The following DNM2 variants were observed in gnomAD, a reference collection of about 807,000 sequenced individuals.
The protein encoded by DNM2 is dynamin 2.
In DNM2, 15 loss-of-function variants were observed where a neutral mutation model predicts 99.0. That is an observed-to-expected ratio of 0.15 (90% confidence interval 0.10 to 0.23). DNM2 has a LOEUF of 0.23. Ranked by LOEUF, DNM2 falls within the 10% of genes least tolerant of loss-of-function variation. The pLI, the probability that DNM2 is intolerant of heterozygous loss-of-function variation, is 1.00. For synonymous variants in DNM2, 525 were observed against 481.2 expected (o/e 1.09, Z -1.19); for missense variants, 742 against 1,189.4 (o/e 0.62, Z 5.53).
chr19:10,827,632 G>C (rs950321028), intron 18 of DNM2, among the ~76,000 whole-genome samples: 1 of 152,020 alleles, frequency 6.6e-6, no homozygotes, highest in Non-Finnish European at 1.5e-5. Context: ...AGCACTTTGG[G>C]AGGCTGAGGC....
In DNM2 at chr19:10,765,666, G is replaced by T. The variant is rs2070775043; in HGVS notation, c.235+5855G>T. 6.6e-6 allele frequency among the ~76,000 whole-genome samples: 1 copy of T among 152,228 alleles called. No homozygotes were observed. Among genetic ancestry groups the T allele is most frequent in the South Asian group, 2.1e-4 (1 of 4,832 alleles). On this transcript the variant is annotated intron_variant, in intron 2 of 20. Coordinates refer to ENST00000389253, the MANE Select transcript of DNM2 (RefSeq NM_001005361.3). This position sits in a 1 kb window ranked among gnomAD's most constrained non-coding sequence, Gnocchi z 4.4. The stretch of plus-strand genomic sequence containing the variant: ...GCTAAATGGGCATGGGAAGTGTTGT[G>T]TGCTGTGCCCACTTCTTGGTCTGCT...
At chr19:10,776,671 A>G (rs1037866262) in intron 4 of DNM2, among the ~76,000 whole-genome samples, 28 of 152,322 alleles carry the variant, frequency 1.8e-4, no homozygotes, top group Non-Finnish European at 3.7e-4. Flanking sequence ...ATTGGATGGG[A>G]TGGTTTCCAG....
chr19:10,777,961 T>G (rs556788585), intron 5 of DNM2, among the ~76,000 whole-genome samples: 47 of 152,184 alleles, frequency 3.1e-4, no homozygotes, highest in African/African-American at 1.1e-3. Context: ...CGTGGATGGC[T>G]TCCCCAGCTT....
Position 10,793,717 on chromosome 19 carries a change from T to C in DNM2, c.993-3T>C. ...GATGCTTGCTTTTTCCTTTTCCTCA[T>C]AGGATGGTCCAGCAGTTTGGGGTGG... On this transcript the variant is annotated splice_polypyrimidine_tract_variant and splice_region_variant and intron_variant, in intron 7 of 20. Transcript: ENST00000389253. 1.2e-6 allele frequency: 2 copies of C among 1,614,146 alleles called. No individual in the cohort carries two copies. The highest frequency in any genetic ancestry group is 1.7e-6 in the Non-Finnish European group (2 of 1,180,022).
chr19:10,829,999 G>A (rs1037990538), intron 19 of DNM2, 128 bp from the exon 20 acceptor site: 1 of 1,390,878 alleles, frequency 7.2e-7, no homozygotes, highest in African/African-American at 1.4e-5. Flanking sequence ...GGTTGGGGTG[G>A]GAGGATCCCA....
rs1383126194 is a variant in DNM2 at position 10,776,005 on chromosome 19, C to T, written c.589+99C>T. ...CAAGTCACTGGCGTTCTCTTTAATC[C>T]ATGGCCGCTGTAGGAAAAGGCCTCC... On this transcript the variant is annotated intron_variant, in intron 4 of 20. Coordinates refer to ENST00000389253, the MANE Select transcript of DNM2 (RefSeq NM_001005361.3). 2.8e-5 allele frequency: 41 copies of T among 1,460,970 alleles called. No individual in the cohort carries two copies. The South Asian group carries it at 3.3e-4, about 12-fold the overall frequency. 90.5% of individuals were successfully genotyped at this position (1,460,970 alleles called of 1,614,324 possible). A position where few individuals can be genotyped will look rare whatever the true frequency, so the allele number is the denominator to read the frequency against.
chr19:10,830,494 C>T lies in DNM2; in HGVS notation c.2543+116C>T, dbSNP rs931611346. The stretch of plus-strand genomic sequence containing the variant: ...TGCCCAGCTGCTGGAGTGGAGGAAT[C>T]GTCCTCATCCCTATTTGGCTTGCGA... On this transcript the variant is annotated intron_variant, in intron 20 of 20. Coordinates refer to ENST00000389253, the MANE Select transcript of DNM2 (RefSeq NM_001005361.3). The surrounding 1 kb of genome is among the most constrained non-coding windows in gnomAD (Gnocchi z 4.8). 2.1e-5 allele frequency: 26 copies of T among 1,218,288 alleles called. No homozygotes were observed. The highest frequency in any genetic ancestry group is 2.6e-5 in the Non-Finnish European group (23 of 871,594). 75.5% of individuals were successfully genotyped at this position (1,218,288 alleles called of 1,614,324 possible). A position where few individuals can be genotyped will look rare whatever the true frequency, so the allele number is the denominator to read the frequency against.
rs922944444 is a variant in DNM2, at chr19:10,830,489, G to A, written c.2543+111G>A. On this transcript the variant is annotated intron_variant, in intron 20 of 20. Coordinates refer to ENST00000389253, the MANE Select transcript of DNM2 (RefSeq NM_001005361.3). The surrounding 1 kb of genome is among the most constrained non-coding windows in gnomAD (Gnocchi z 4.8). Reference sequence around the variant, plus strand: ...CTACGTGCCCAGCTGCTGGAGTGGAGGAATCGTCCTCATCCCTATTTGGCT... The same window carrying A: ...CTACGTGCCCAGCTGCTGGAGTGGAAGAATCGTCCTCATCCCTATTTGGCT... 1.7e-5 allele frequency: 21 copies of A among 1,270,562 alleles called. No individual in the cohort carries two copies. The Admixed American group carries it at 3.9e-4, about 24-fold the overall frequency. 78.7% of individuals were successfully genotyped at this position (1,270,562 alleles called of 1,614,324 possible).
Position 10,830,297 on chromosome 19 carries a change from A to T in DNM2, c.2462A>T (p.Asn821Ile). The T allele has an allele frequency of 6.2e-7, 1 of 1,613,684 alleles. No homozygotes were observed. Among genetic ancestry groups the T allele is most frequent in the Non-Finnish European group, 8.5e-7 (1 of 1,179,862 alleles). The change falls in exon 20 of 21, where the codon AAC becomes ATC. Residue 821 changes from asparagine to isoleucine, a missense_variant. By Grantham distance (149) the Asn-to-Ile change is moderately radical. Coordinates refer to ENST00000389253, the MANE Select transcript of DNM2 (RefSeq NM_001005361.3). The surrounding 1 kb of genome is among the most constrained non-coding windows in gnomAD (Gnocchi z 4.8). ...CCTGGACCCCAGAGCGTGTTTGCCA[A>T]CAGTGACCTCTTCCCAGCCCCGCCT... ...SRPGPQSVFA[N>I]SDLFPAPPQI...
chr19:10,756,552 C>T (rs1329365805), intron 1 of DNM2, among the ~76,000 whole-genome samples: 1 of 152,182 alleles, frequency 6.6e-6, no homozygotes, highest in Non-Finnish European at 1.5e-5. Context: ...CGTGGCGTGA[C>T]AGGCCTAGTG....
At chr19:10,746,467 A>C (rs987370286) in intron 1 of DNM2, among the ~76,000 whole-genome samples, 7 of 152,010 alleles carry the variant, frequency 4.6e-5, no homozygotes, top group African/African-American at 1.7e-4. Flanking sequence ...CTTATTGCCC[A>C]GGCAGGAGTG....
chr19:10,789,547 A>G (rs961643391), intron 7 of DNM2, among the ~76,000 whole-genome samples: 1 of 151,984 alleles, frequency 6.6e-6, no homozygotes, highest in Non-Finnish European at 1.5e-5. Flanking sequence ...AAAAAAAAAA[A>G]TTAGGCTGGG....
Position 10,765,022 on chromosome 19 carries a change from A to T in DNM2, c.235+5211A>T, listed in dbSNP as rs1599506212. ...GCCCAGGCTGGAGTGCAGTGGCGCC[A>T]TCTCAGCTCACTGCAAGCTCCGCCT... On this transcript the variant is annotated intron_variant, in intron 2 of 20. Transcript: ENST00000389253. This position sits in a 1 kb window ranked among gnomAD's most constrained non-coding sequence, Gnocchi z 4.4. Among the ~76,000 whole-genome samples the T allele has an allele frequency of 1.4e-5, 2 of 143,102 alleles. No individual in the cohort carries two copies. The highest frequency in any genetic ancestry group is 3.0e-5 in the Non-Finnish European group (2 of 66,722). 93.9% of individuals were successfully genotyped at this position (143,102 alleles called of 152,430 possible).
intron 1 of DNM2, among the ~76,000 whole-genome samples, chr19:10,741,481 G>A (rs2069744821): frequency 6.6e-6 from 1 of 151,826 alleles, no homozygotes. Flanking sequence ...CTCTCATCTT[G>A]GCCTCCCAAA....
chr19:10,756,627 TC>T (rs2070394945), intron 1 of DNM2, among the ~76,000 whole-genome samples: 1 of 152,064 alleles, frequency 6.6e-6, no homozygotes, highest in African/African-American at 2.4e-5. Context: ...ACAGGTAGCA[TC>T]CCAGGCCTGG....
chr19:10,830,586 C>G lies in DNM2; in HGVS notation c.2543+208C>G. 1 of 665,958 alleles carries G rather than the reference C, an allele frequency of 1.5e-6. No homozygotes were observed. Among genetic ancestry groups the G allele is most frequent in the Non-Finnish European group, 2.5e-6 (1 of 398,968 alleles). The allele number at this position is 665,958 out of a possible 1,614,324, so 41.3% of individuals were successfully genotyped here. Reference sequence around the variant, plus strand: ...CAGAGTAGCGGAGCCCTGGTGACTCCGGGGCTCCCAGCTTGCCCTCTGCCT... The same window carrying G: ...CAGAGTAGCGGAGCCCTGGTGACTCGGGGGCTCCCAGCTTGCCCTCTGCCT... On this transcript the variant is annotated intron_variant, in intron 20 of 20. Coordinates refer to ENST00000389253, the MANE Select transcript of DNM2 (RefSeq NM_001005361.3). The surrounding 1 kb of genome is among the most constrained non-coding windows in gnomAD (Gnocchi z 4.8).
At position 10,820,696 on chromosome 19, in the gene DNM2, G is replaced by T. The variant is rs1479209008; in HGVS notation, c.1781+607G>T. The stretch of plus-strand genomic sequence containing the variant: ...GAGCTCCATTTAGGCCATGCCAAGG[G>T]AGAGGGTGCATCAGGGAGGCACCTG... On this transcript the variant is annotated intron_variant, in intron 16 of 20. Coordinates refer to ENST00000389253, the MANE Select transcript of DNM2 (RefSeq NM_001005361.3). The surrounding 1 kb of genome is among the most constrained non-coding windows in gnomAD (Gnocchi z 4.3). Among the ~76,000 whole-genome samples the T allele has an allele frequency of 6.6e-6, 1 of 152,240 alleles. No individual in the cohort carries two copies. Among genetic ancestry groups the T allele is most frequent in the East Asian group, 1.9e-4 (1 of 5,202 alleles).
intron 14 of DNM2, chr19:10,808,952 C>G (rs551242718): frequency 1.6e-4 from 36 of 230,174 alleles, no homozygotes; most frequent in African/African-American, 8.2e-4. Context: ...TGGCACTGCC[C>G]CTCCTCCTTC....
Position 10,718,233 on chromosome 19 carries a change from C to G in DNM2, c.-10C>G. ...AGCGCAGGGCGCTCGGGCCGGGGGC[C>G]GCCGGCGCCATGGGCAACCGCGGGA... On this transcript the variant is annotated 5_prime_UTR_variant, in exon 1 of 21. Coordinates refer to ENST00000389253, the MANE Select transcript of DNM2 (RefSeq NM_001005361.3). 4 of 1,466,518 alleles carry G rather than the reference C, an allele frequency of 2.7e-6. No homozygotes were observed. The highest frequency in any genetic ancestry group is 3.6e-6 in the Non-Finnish European group (4 of 1,106,314). 90.8% of individuals were successfully genotyped at this position (1,466,518 alleles called of 1,614,324 possible).
Sources: gnomAD v4.1 joint callset for allele counts (sites outside exome capture counted in the v4.1 genomes callset) on GRCh38, gnomAD v4.1.1 for gene constraint, Gnocchi (gnomAD v3.1) non-coding constraint, MANE v1.5 for transcripts, NCBI Gene and HGNC (gene_info 2026-07-23, HGNC 2026-07-21) for gene names.